The following SNAP91 variants were observed in gnomAD, a reference collection of about 807,000 sequenced individuals.
SNAP91 encodes the protein synaptosome associated protein 91.
Under a neutral mutation model 100.3 loss-of-function variants are expected in SNAP91, and 27 were observed. The observed-to-expected ratio is 0.27, with a 90% CI of 0.20 to 0.37. The LOEUF (loss-of-function observed/expected upper bound fraction) is 0.37. Ranked by LOEUF, SNAP91 falls within the 10% of genes least tolerant of loss-of-function variation. The pLI, the probability that SNAP91 is intolerant of heterozygous loss-of-function variation, is 1.00. For missense variants in SNAP91, 986 were observed against 1,123.7 expected (o/e 0.88, Z 1.75); for synonymous variants, 404 against 398.6 (o/e 1.01, Z -0.16).
At chr6:83,689,916 T>G (rs13215382) in intron 2 of SNAP91, among the ~76,000 whole-genome samples, 32,287 of 151,992 alleles carry the variant, frequency 0.21, 4,238 homozygotes, top group East Asian at 0.4. Context: ...AAATTTCATC[T>G]TAAGTATATT....
intron 24 of SNAP91, among the ~76,000 whole-genome samples, chr6:83,577,215 C>T (rs1014301418): frequency 5.9e-5 from 9 of 152,024 alleles, no homozygotes; most frequent in Middle Eastern, 3.4e-3. Context: ...AGGACAACAG[C>T]CCTAATCAGG....
At chr6:83,598,850 A>G (rs1236786840) in intron 16 of SNAP91, among the ~76,000 whole-genome samples, 1 of 152,174 alleles carries the variant, frequency 6.6e-6, no homozygotes, top group Non-Finnish European at 1.5e-5. Context: ...AAAACAGATA[A>G]TGACATATAT....
chr6:83,702,710 G>GA (rs569861186), intron 2 of SNAP91, among the ~76,000 whole-genome samples: 118 of 128,894 alleles, frequency 9.2e-4, no homozygotes, highest in East Asian at 3.5e-3. Context: ...TGCAAAAACT[G>GA]AAAAAAAAAA....
At chr6:83,633,641 G>A (rs1322192001) in intron 8 of SNAP91, among the ~76,000 whole-genome samples, 2 of 151,990 alleles carry the variant, frequency 1.3e-5, no homozygotes, top group Non-Finnish European at 2.9e-5. Flanking sequence ...TGTCATGCAG[G>A]TTGTCAGGGA....
intron 8 of SNAP91, among the ~76,000 whole-genome samples, chr6:83,635,257 G>T (rs1487823472): frequency 6.6e-6 from 1 of 152,020 alleles, no homozygotes; most frequent in Non-Finnish European, 1.5e-5. Context: ...CCTCATTATT[G>T]TTGTGTGGCT....
At chr6:83,707,536 CGTGT>C (rs70987765) in intron 2 of SNAP91, among the ~76,000 whole-genome samples, 2,056 of 148,996 alleles carry the variant, frequency 0.014, 20 homozygotes, top group Non-Finnish European at 0.02. Context: ...TATACATATG[CGTGT>C]GTGTGTGTGT....
intron 2 of SNAP91, among the ~76,000 whole-genome samples, chr6:83,704,345 G>A (rs1426179395): frequency 1.3e-5 from 2 of 152,016 alleles, no homozygotes; most frequent in East Asian, 3.9e-4. Flanking sequence ...GTCGAGTATG[G>A]AAAGAAAGTT....
At chr6:83,574,710 CATT>C (rs1280494832) in intron 26 of SNAP91, among the ~76,000 whole-genome samples, 1 of 151,958 alleles carries the variant, frequency 6.6e-6, no homozygotes, top group Non-Finnish European at 1.5e-5. Context: ...AGGTCATAAT[CATT>C]ATTAAATATA....
At chr6:83,680,736 G>C (rs1412122650) in intron 2 of SNAP91, among the ~76,000 whole-genome samples, 1 of 152,094 alleles carries the variant, frequency 6.6e-6, no homozygotes, top group Non-Finnish European at 1.5e-5. Flanking sequence ...CTTGTGTATT[G>C]AGGATGTTTA....
rs918201068 is a variant in SNAP91, at chr6:83,553,255, T to C, written c.*1041A>G. Reference sequence around the variant, plus strand: ...AGAATACAGTATGTACAGTAAAAGATACAATTCTCTGAATTAGTTTAAATC... The same window carrying C: ...AGAATACAGTATGTACAGTAAAAGACACAATTCTCTGAATTAGTTTAAATC... On this transcript the variant is annotated 3_prime_UTR_variant, in exon 30 of 30. Transcript: ENST00000369694. The C allele has an allele frequency of 1.3e-5, 2 of 152,574 alleles. No individual in the cohort carries two copies. The highest frequency in any genetic ancestry group is 1.3e-4 in the Admixed American group (2 of 15,262). 9.5% of individuals were successfully genotyped at this position (152,574 alleles called of 1,614,324 possible).
chr6:83,580,245 G>A (rs972679034), intron 24 of SNAP91, among the ~76,000 whole-genome samples: 24 of 152,046 alleles, frequency 1.6e-4, no homozygotes, highest in East Asian at 1.9e-4. Flanking sequence ...GGTATTGCTC[G>A]TGAGCCAATG....
chr6:83,649,294 G>T (rs217317), intron 7 of SNAP91, among the ~76,000 whole-genome samples: 13 of 152,130 alleles, frequency 8.5e-5, no homozygotes, highest in Non-Finnish European at 1.5e-4. Flanking sequence ...TGGGGCCAAA[G>T]GTTCTGCTTG....
In SNAP91 at chr6:83,707,892, G is replaced by A. The variant is rs377444680; in HGVS notation, c.36C>T (p.Ala12=). The change falls in exon 2 of 30, where the codon GCC becomes GCT. Residue 12 remains alanine, a synonymous_variant. Coordinates refer to ENST00000369694, the MANE Select transcript of SNAP91 (RefSeq NM_001242792.2). ...CAGAGCCTGTAACGCTGTACTGAGC[G>A]GCGGCGATCCGATCCGTGAGCGTTT... ...SGQTLTDRIA[A]AQYSVTGSAV... is the part of the protein sequence containing the mutation. 3.1e-6 allele frequency: 5 copies of A among 1,596,954 alleles called. No homozygotes were observed. In the South Asian group the frequency reaches 3.4e-5, roughly 11 times the overall value.
chr6:83,627,217 T>C (rs1215920684), intron 8 of SNAP91, among the ~76,000 whole-genome samples: 1 of 152,120 alleles, frequency 6.6e-6, no homozygotes, highest in Admixed American at 6.6e-5. Flanking sequence ...TTGTGGTGAA[T>C]TAACTTTTTG....
intron 11 of SNAP91, 48 bp downstream of exon 11, chr6:83,614,809 T>C (rs763457820): frequency 6.8e-7 from 1 of 1,469,218 alleles, no homozygotes; most frequent in Non-Finnish European, 9.2e-7. Context: ...GTTTTTTGCA[T>C]TTTTAGTAAT....
At position 83,593,547 on chromosome 6, in the gene SNAP91, C is replaced by T; in HGVS notation, c.1627G>A (p.Ala543Thr). The T allele has an allele frequency of 6.4e-7, 1 of 1,552,784 alleles. No homozygotes were observed. Among genetic ancestry groups the T allele is most frequent in the Non-Finnish European group, 8.7e-7 (1 of 1,147,216 alleles). Residue 543 changes from alanine to threonine, a missense_variant, in exon 18 of 30, where the codon GCC becomes ACC. Transcript: ENST00000369694. ...AAATTAATAA[A>T]TTTTTTSAAT... ...GCGGAGGTGGTGGTAGTGGTGGTGG[C>T]AGCGGCGGTGGCAGCAGTAGTGGCA...
Position 83,560,930 on chromosome 6 carries a change from T to C in SNAP91, c.2460A>G (p.Pro820=), listed in dbSNP as rs1786295033. ...PSAPLQGAVP[P]TSSVPPVAGA... is the part of the protein sequence containing the mutation. ...CGGCAACAGGAGGAACTGAACTGGT[T>C]GGAGGTACAGCTCCTTGCTACACAG... The change falls in exon 27 of 30, where the codon CCA becomes CCG. Residue 820 remains proline, a synonymous_variant. Coordinates refer to ENST00000369694, the MANE Select transcript of SNAP91 (RefSeq NM_001242792.2). 1.9e-6 allele frequency: 3 copies of C among 1,610,832 alleles called. No homozygotes were observed. The African/African-American group carries it at 4.0e-5, about 22-fold the overall frequency.
intron 22 of SNAP91, among the ~76,000 whole-genome samples, chr6:83,590,729 C>G (rs1167389677): frequency 6.6e-6 from 1 of 151,922 alleles, no homozygotes; most frequent in Non-Finnish European, 1.5e-5. Context: ...CATTACAAGA[C>G]AAAAATTGTT....
intron 10 of SNAP91, among the ~76,000 whole-genome samples, chr6:83,616,542 C>G (rs767809880): frequency 2.2e-4 from 33 of 151,916 alleles, no homozygotes; most frequent in Non-Finnish European, 4.6e-4. Flanking sequence ...TACTGGAGTC[C>G]AAAAAACTAT....
Sources: gnomAD v4.1 joint callset for allele counts (sites outside exome capture counted in the v4.1 genomes callset) on GRCh38, gnomAD v4.1.1 for gene constraint, MANE v1.5 for transcripts, NCBI Gene and HGNC (gene_info 2026-07-23, HGNC 2026-07-21) for gene names.